Variants in ZFHX3 observed in about 807,000 individuals in gnomAD.
ZFHX3 encodes zinc finger homeobox 3.
ZFHX3 carries 42 observed loss-of-function variants against 279.1 expected under a neutral mutation model. The ratio of observed to expected loss-of-function variants is 0.15; its 90% CI spans 0.12 to 0.19. The LOEUF (loss-of-function observed/expected upper bound fraction) is 0.19, where lower values mean the gene tolerates loss of function less well. Ranked by LOEUF, ZFHX3 falls within the 10% of genes least tolerant of loss-of-function variation. The probability of loss-of-function intolerance (pLI) is 1.00; values close to 1 mark genes in which losing one functional copy is unlikely to be tolerated. For synonymous variants in ZFHX3, 2,293 were observed against 1,957.8 expected, an observed-to-expected ratio of 1.17 and a Z score of -4.52; for missense variants, 4,981 against 4,754.0, an observed-to-expected ratio of 1.05 and a Z score of -1.40.
intron 3 of ZFHX3, among the ~76,000 whole-genome samples, chr16:73,363,598 A>G (rs2016472035): frequency 6.6e-6 from 1 of 152,206 alleles, no homozygotes; most frequent in African/African-American, 2.4e-5. Context: ...ATACAAGATA[A>G]ATAAATAAAA....
chr16:72,989,875 G>A (rs1053205056), intron 1 of ZFHX3, among the ~76,000 whole-genome samples: 1 of 152,192 alleles, frequency 6.6e-6, no homozygotes, highest in Non-Finnish European at 1.5e-5. Flanking sequence ...CCCAAGGGGT[G>A]GAAATTCAGT....
At chr16:73,363,888 C>T (rs1184966077) in intron 3 of ZFHX3, among the ~76,000 whole-genome samples, 2 of 152,112 alleles carry the variant, frequency 1.3e-5, no homozygotes, top group Admixed American at 6.5e-5. Flanking sequence ...TAGGTAGCTA[C>T]AGTTCTGGGC....
chr16:73,863,192 C>A (rs546821403), intron 1 of ZFHX3, among the ~76,000 whole-genome samples: 2 of 152,148 alleles, frequency 1.3e-5, no homozygotes, highest in Admixed American at 6.5e-5. Flanking sequence ...GGCGACAGAG[C>A]GAGACTCCGT....
intron 2 of ZFHX3, among the ~76,000 whole-genome samples, chr16:73,584,694 T>G (rs536694606): frequency 6.6e-6 from 1 of 152,244 alleles, no homozygotes; most frequent in East Asian, 1.9e-4. Flanking sequence ...GATTTTATGA[T>G]GAAATCGCCA....
chr16:72,980,696 A>C (rs71386203), intron 1 of ZFHX3, among the ~76,000 whole-genome samples: 6,193 of 152,182 alleles, frequency 0.041, 160 homozygotes, highest in East Asian at 0.11. Flanking sequence ...CAAGGCTGCA[A>C]TGAGCTGTGA....
At chr16:73,645,016 G>T (rs1348041697) in intron 2 of ZFHX3, among the ~76,000 whole-genome samples, 1 of 152,170 alleles carries the variant, frequency 6.6e-6, no homozygotes, top group Non-Finnish European at 1.5e-5. Flanking sequence ...TGGCATGACT[G>T]AACACAGTTT....
At chr16:73,391,749 G>A (rs2017016844) in intron 3 of ZFHX3, among the ~76,000 whole-genome samples, 2 of 152,174 alleles carry the variant, frequency 1.3e-5, no homozygotes, top group African/African-American at 2.4e-5. Flanking sequence ...ATCAACCAGT[G>A]CCAAGGGGGG....
intron 2 of ZFHX3, among the ~76,000 whole-genome samples, chr16:73,528,475 T>C (rs2019733525): frequency 6.6e-6 from 1 of 152,180 alleles, no homozygotes; most frequent in African/African-American, 2.4e-5. Context: ...ATGTATTCAA[T>C]ATGGTCTATG....
At chr16:73,038,934 A>C in intron 1 of ZFHX3, among the ~76,000 whole-genome samples, 1 of 151,704 alleles carries the variant, frequency 6.6e-6, no homozygotes, top group East Asian at 1.9e-4. Context: ...AGTAGCTAGG[A>C]ATACAGGCGT....
rs56820799 is a variant in ZFHX3, at chr16:72,978,514, C to T, written c.-49-18320G>A. On this transcript the variant is annotated intron_variant, in intron 1 of 9. Transcript: ENST00000268489. ...AGGACCCCTTCCCCCACTCCCTGAC[C>T]GAGGTCTCGCCTTCCTCTGGGCTAA... Among the ~76,000 whole-genome samples the T allele has an allele frequency of 1.8e-3, 267 of 152,228 alleles. 1 individual carries two copies. The highest frequency in any genetic ancestry group is 6.2e-3 in the African/African-American group (258 of 41,534).
chr16:72,992,624 C>T (rs1963134147), intron 1 of ZFHX3, among the ~76,000 whole-genome samples: 2 of 152,120 alleles, frequency 1.3e-5, no homozygotes. Flanking sequence ...CTCATGGAGG[C>T]CAGCACTTCT....
intron 5 of ZFHX3, among the ~76,000 whole-genome samples, chr16:73,248,446 A>G (rs1415277258): frequency 6.6e-6 from 1 of 151,186 alleles, no homozygotes; most frequent in Non-Finnish European, 1.5e-5. Flanking sequence ...ATGTGCCTGT[A>G]TGTGGAGTAT....
At chr16:73,132,425 G>A (rs1190531569) in intron 6 of ZFHX3, among the ~76,000 whole-genome samples, 1 of 152,156 alleles carries the variant, frequency 6.6e-6, no homozygotes, top group Non-Finnish European at 1.5e-5. Flanking sequence ...AAGAGGGAAG[G>A]AGACTGGGAG....
At chr16:73,346,162 T>A (rs1375948010) in intron 3 of ZFHX3, among the ~76,000 whole-genome samples, 2 of 152,140 alleles carry the variant, frequency 1.3e-5, no homozygotes, top group African/African-American at 2.4e-5. Flanking sequence ...CCCAACTCAA[T>A]ATCACATTCA....
At chr16:72,800,821 C>T (rs761796431) in intron 7 of ZFHX3, among the ~76,000 whole-genome samples, 4 of 152,154 alleles carry the variant, frequency 2.6e-5, no homozygotes, top group Non-Finnish European at 4.4e-5. Flanking sequence ...TTCTGACCAA[C>T]GTCCCAGCGA....
At chr16:73,878,629 T>A (rs546054159) in intron 1 of ZFHX3, among the ~76,000 whole-genome samples, 2 of 152,228 alleles carry the variant, frequency 1.3e-5, no homozygotes, top group South Asian at 4.1e-4. Flanking sequence ...TGTTTCTTTT[T>A]TTTTCTTTTT....
At chr16:72,831,993 CAA>C (rs2037071778) in intron 4 of ZFHX3, among the ~76,000 whole-genome samples, 1 of 152,172 alleles carries the variant, frequency 6.6e-6, no homozygotes, top group African/African-American at 2.4e-5. Flanking sequence ...TTTGATTAGG[CAA>C]AGAGATGGCT....
At chr16:73,858,776 G>C (rs1961805690) in intron 1 of ZFHX3, among the ~76,000 whole-genome samples, 1 of 152,194 alleles carries the variant, frequency 6.6e-6, no homozygotes, top group Admixed American at 6.5e-5. Context: ...GGGGTTTTCA[G>C]GTAGATCATA....
intron 1 of ZFHX3, among the ~76,000 whole-genome samples, chr16:73,862,282 T>C (rs939897799): frequency 4.6e-5 from 7 of 152,194 alleles, no homozygotes; most frequent in Admixed American, 4.6e-4. Flanking sequence ...AGCTACCATA[T>C]CCTTTAATAA....
Sources: allele counts gnomAD v4.1 joint callset (sites outside exome capture counted in the v4.1 genomes callset), GRCh38; gene constraint gnomAD v4.1.1; transcripts MANE v1.5; gene names NCBI Gene and HGNC (gene_info 2026-07-23, HGNC 2026-07-21).